The following TMEM132C variants were observed in gnomAD, a reference collection of about 807,000 sequenced individuals.
The protein encoded by TMEM132C is transmembrane protein 132C, also known as protein phosphatase 1, regulatory subunit 152.
A neutral mutation model predicts 61.4 loss-of-function variants in TMEM132C; 29 were observed. The ratio of observed to expected loss-of-function variants is 0.47; its 90% CI spans 0.35 to 0.64. TMEM132C has a LOEUF of 0.64. Ranked by LOEUF, TMEM132C falls within the 30% of genes least tolerant of loss-of-function variation. TMEM132C has a pLI of 0.00. For missense variants in TMEM132C, 1,408 were observed against 1,476.9 expected, an observed-to-expected ratio of 0.95 and a Z score of 0.76; for synonymous variants, 656 against 633.1, an observed-to-expected ratio of 1.04 and a Z score of -0.54.
In TMEM132C at chr12:128,425,940, G is replaced by A. The variant is rs140436094; in HGVS notation, c.974+10320G>A. Among the ~76,000 whole-genome samples the A allele has an allele frequency of 3.1e-3, 475 of 152,324 alleles. 5 individuals are homozygous for A. Among genetic ancestry groups the A allele is most frequent in the Non-Finnish European group, 6.0e-3 (405 of 68,024 alleles). On this transcript the variant is annotated intron_variant, in intron 2 of 8. Transcript: ENST00000435159. ...AGGACCTGTTTCCAAATCAGGTTGCGTTCTGAAGTTCCCCGTTTGATGTGA... is the reference window on the plus strand; with the variant it reads ...AGGACCTGTTTCCAAATCAGGTTGCATTCTGAAGTTCCCCGTTTGATGTGA...
chr12:128,497,740 T>C (rs572872766), intron 2 of TMEM132C, among the ~76,000 whole-genome samples: 1 of 152,262 alleles, frequency 6.6e-6, no homozygotes. Context: ...ACCTCTTCCC[T>C]TGGCTGGGAA....
At chr12:128,524,648 G>C (rs578203034) in intron 2 of TMEM132C, among the ~76,000 whole-genome samples, 1 of 152,120 alleles carries the variant, frequency 6.6e-6, no homozygotes, top group Non-Finnish European at 1.5e-5. Flanking sequence ...AGAAGCTTGC[G>C]GTGAGATTCC....
Position 128,705,313 on chromosome 12 carries a change from C to G in TMEM132C, c.2345C>G (p.Ser782Cys). The G allele has an allele frequency of 1.3e-6, 2 of 1,551,334 alleles. No individual in the cohort carries two copies. Among genetic ancestry groups the G allele is most frequent in the South Asian group, 1.2e-5 (1 of 84,052 alleles). ...ACGATCGCCGAGGCCTGCCAGAAAT[C>G]TAAACGCAAGAGCATCCTGGCTGTG... is the stretch of plus-strand genomic sequence containing the variant. ...DMTIAEACQKSKRKSILAVGV... is the reference protein window; with the variant it reads ...DMTIAEACQKCKRKSILAVGV... The change falls in exon 9 of 9, where the codon TCT (serine) becomes TGT (cysteine). Residue 782 changes from serine to cysteine, a missense_variant. Transcript: ENST00000435159.
chr12:128,315,264 C>T (rs1162255998), intron 1 of TMEM132C, among the ~76,000 whole-genome samples: 3 of 152,074 alleles, frequency 2.0e-5, no homozygotes, highest in Non-Finnish European at 4.4e-5. Context: ...CCTGCCCCAG[C>T]GTCAGTGTGT....
intron 4 of TMEM132C, among the ~76,000 whole-genome samples, chr12:128,626,794 T>C (rs1954021635): frequency 6.6e-6 from 1 of 152,180 alleles, no homozygotes; most frequent in African/African-American, 2.4e-5. Context: ...ACACATATCT[T>C]ACTGCATGCC....
intron 1 of TMEM132C, among the ~76,000 whole-genome samples, chr12:128,370,881 C>G (rs1355972508): frequency 6.6e-6 from 1 of 152,072 alleles, no homozygotes; most frequent in Non-Finnish European, 1.5e-5. Flanking sequence ...TAGCAGCTAC[C>G]CCTGAGGAGC....
At chr12:128,329,555 C>T (rs1181796513) in intron 1 of TMEM132C, among the ~76,000 whole-genome samples, 1 of 152,140 alleles carries the variant, frequency 6.6e-6, no homozygotes, top group Non-Finnish European at 1.5e-5. Context: ...GGCAGAGTCC[C>T]ACTGTTCTTT....
intron 4 of TMEM132C, among the ~76,000 whole-genome samples, chr12:128,631,621 C>T (rs1044081077): frequency 2.0e-5 from 3 of 152,236 alleles, no homozygotes; most frequent in Admixed American, 6.5e-5. Context: ...AGAAACCCAA[C>T]TCAACTGGCT....
intron 2 of TMEM132C, among the ~76,000 whole-genome samples, chr12:128,466,119 G>C (rs938787001): frequency 2.6e-5 from 4 of 152,194 alleles, no homozygotes; most frequent in Admixed American, 2.0e-4. Flanking sequence ...AAGTCAAAGT[G>C]GGAGAAGGGC....
intron 3 of TMEM132C, among the ~76,000 whole-genome samples, chr12:128,615,879 G>A (rs934311730): frequency 6.6e-6 from 1 of 152,180 alleles, no homozygotes; most frequent in Non-Finnish European, 1.5e-5. Context: ...TGCAGAGCTG[G>A]TAATAATCAT....
intron 3 of TMEM132C, among the ~76,000 whole-genome samples, chr12:128,546,289 G>A (rs767011138): frequency 3.3e-5 from 5 of 152,154 alleles, no homozygotes; most frequent in African/African-American, 7.2e-5. Context: ...CTCCTGAATC[G>A]AATGCACATG....
At chr12:128,518,570 T>C (rs1470005862) in intron 2 of TMEM132C, among the ~76,000 whole-genome samples, 1 of 152,192 alleles carries the variant, frequency 6.6e-6, no homozygotes, top group Non-Finnish European at 1.5e-5. Context: ...TAAAAAGTAA[T>C]TACTGTATTT....
chr12:128,411,734 A>G (rs1868557495), intron 1 of TMEM132C, among the ~76,000 whole-genome samples: 1 of 152,208 alleles, frequency 6.6e-6, no homozygotes. Context: ...CAGAGTTAAG[A>G]AAAACATCTA....
At chr12:128,485,751 G>A (rs906200129) in intron 2 of TMEM132C, among the ~76,000 whole-genome samples, 1 of 152,164 alleles carries the variant, frequency 6.6e-6, no homozygotes. Flanking sequence ...GTCTCAGGCC[G>A]TACTAAGATG....
At chr12:128,429,675 A>G (rs1869319652) in intron 2 of TMEM132C, among the ~76,000 whole-genome samples, 1 of 152,230 alleles carries the variant, frequency 6.6e-6, no homozygotes, top group African/African-American at 2.4e-5. Flanking sequence ...TAATAAGTAT[A>G]TCTTAATATC....
chr12:128,705,560 G>A lies in TMEM132C; in HGVS notation c.2592G>A (p.Leu864=). 3 of 1,551,190 alleles carry A rather than the reference G, an allele frequency of 1.9e-6. No individual in the cohort carries two copies. The highest frequency in any genetic ancestry group is 2.6e-6 in the Non-Finnish European group (3 of 1,147,000). Residue 864 remains leucine, a synonymous_variant, in exon 9 of 9, where the codon CTG becomes CTA. Transcript: ENST00000435159. Reference sequence around the variant, plus strand: ...CCACTACCACGGCCAGGTCCCTGCTGGACAACAAAGTGGTGAAGAACAGTC... The same window carrying A: ...CCACTACCACGGCCAGGTCCCTGCTAGACAACAAAGTGGTGAAGAACAGTC... ...RRATTTARSL[L]DNKVVKNSRA...
At chr12:128,447,191 G>T (rs948343928) in intron 2 of TMEM132C, among the ~76,000 whole-genome samples, 1 of 152,132 alleles carries the variant, frequency 6.6e-6, no homozygotes, top group African/African-American at 2.4e-5. Flanking sequence ...TCCTGCGCCT[G>T]TGTCCACTTA....
chr12:128,630,924 C>T lies in TMEM132C; in HGVS notation c.1305+14589C>T, dbSNP rs1233104663. 6.6e-6 allele frequency among the ~76,000 whole-genome samples: 1 copy of T among 152,084 alleles called. No homozygotes were observed. Among genetic ancestry groups the T allele is most frequent in the African/African-American group, 2.4e-5 (1 of 41,412 alleles). On this transcript the variant is annotated intron_variant, in intron 4 of 8. Transcript: ENST00000435159. The surrounding 1 kb of genome is among the most constrained non-coding windows in gnomAD (Gnocchi z 4.3). ...GTATGTGCCTGTATTCCCAGCTACT[C>T]AGGAGGCTGAGACACGAGAATCGCT...
intron 3 of TMEM132C, among the ~76,000 whole-genome samples, chr12:128,553,997 T>C (rs1473071902): frequency 1.3e-5 from 2 of 152,232 alleles, no homozygotes; most frequent in African/African-American, 2.4e-5. Flanking sequence ...TGGGAGACTT[T>C]CACTTTAACC....
Sources: gnomAD v4.1 joint callset for allele counts (sites outside exome capture counted in the v4.1 genomes callset) on GRCh38, gnomAD v4.1.1 for gene constraint, Gnocchi (gnomAD v3.1) non-coding constraint, MANE v1.5 for transcripts, NCBI Gene and HGNC (gene_info 2026-07-23, HGNC 2026-07-21) for gene names.